The following ITSN1 variants were observed in gnomAD, a reference collection of about 807,000 sequenced individuals.
ITSN1 encodes intersectin-1.
A neutral mutation model predicts 239.8 loss-of-function variants in ITSN1; 58 were observed. That is an observed-to-expected ratio of 0.24 (90% CI 0.20 to 0.30). The LOEUF is 0.30. Ranked by LOEUF, ITSN1 falls within the 10% of genes least tolerant of loss-of-function variation. The pLI, the probability that ITSN1 is intolerant of heterozygous loss-of-function variation, is 1.00. For synonymous variants in ITSN1, 780 were observed against 770.8 expected (o/e 1.01, Z -0.20); for missense variants, 1,558 against 2,103.3 (o/e 0.74, Z 5.07).
At chr21:33,650,998 G>A (rs1478548718) in intron 1 of ITSN1, among the ~76,000 whole-genome samples, 1 of 151,724 alleles carries the variant, frequency 6.6e-6, no homozygotes, top group African/African-American at 2.4e-5. Context: ...GGGTTACCAG[G>A]ATGTTAGCTC....
At chr21:33,847,750 C>T (rs1206784226) in intron 29 of ITSN1, among the ~76,000 whole-genome samples, 1 of 152,184 alleles carries the variant, frequency 6.6e-6, no homozygotes, top group Non-Finnish European at 1.5e-5. Flanking sequence ...GGGCTGGATT[C>T]AGCTCAGCAG....
intron 22 of ITSN1, among the ~76,000 whole-genome samples, chr21:33,816,948 A>G (rs190859358): frequency 1.3e-3 from 196 of 152,256 alleles, no homozygotes; most frequent in African/African-American, 4.4e-3. Context: ...GAAGACCAGG[A>G]ATTAGAGGTT....
At chr21:33,817,616 G>A (rs1228551376) in intron 22 of ITSN1, 4 of 1,268,186 alleles carry the variant, frequency 3.2e-6, no homozygotes, top group Admixed American at 2.6e-5. Flanking sequence ...TCTTTATAGT[G>A]CTTTGTGGTT....
chr21:33,837,150 T>C, intron 29 of ITSN1: 2 of 1,380,164 alleles, frequency 1.4e-6, no homozygotes, highest in Non-Finnish European at 1.9e-6. Flanking sequence ...TGCAGAGCAG[T>C]TTACCTCATT....
chr21:33,735,497 C>A, intron 5 of ITSN1: 1 of 339,740 alleles, frequency 2.9e-6, no homozygotes, highest in Admixed American at 4.8e-5. Flanking sequence ...TTTTTTTTTT[C>A]TCTTCCATTA....
At chr21:33,799,760 T>G (rs1337769918) in intron 18 of ITSN1, 48 bp from the exon 19 acceptor site, 1 of 1,602,914 alleles carries the variant, frequency 6.2e-7, no homozygotes, top group Non-Finnish European at 8.5e-7. Context: ...ACATTTGTGT[T>G]CTCTGTAATT....
intron 5 of ITSN1, among the ~76,000 whole-genome samples, chr21:33,748,535 A>G (rs774877205): frequency 6.6e-6 from 1 of 151,960 alleles, no homozygotes; most frequent in Non-Finnish European, 1.5e-5. Flanking sequence ...TGAAAAGAAA[A>G]TTTACTTTTA....
intron 31 of ITSN1, among the ~76,000 whole-genome samples, chr21:33,859,080 C>G (rs957482150): frequency 1.0e-4 from 15 of 149,298 alleles, no homozygotes; most frequent in Non-Finnish European, 1.0e-4. Context: ...GCGACGCTGG[C>G]TCCTGATGGT....
intron 1 of ITSN1, among the ~76,000 whole-genome samples, chr21:33,688,353 C>G (rs1250648922): frequency 1.3e-5 from 2 of 152,172 alleles, no homozygotes; most frequent in African/African-American, 4.8e-5. Flanking sequence ...TAGGACTACA[C>G]TGTAGCAGGA....
intron 1 of ITSN1, among the ~76,000 whole-genome samples, chr21:33,674,562 A>G (rs1289033601): frequency 6.6e-6 from 1 of 152,164 alleles, no homozygotes; most frequent in Admixed American, 6.5e-5. Context: ...GTGTTTGGGA[A>G]CAGGATCCCT....
chr21:33,853,858 G>A (rs2148469252), intron 29 of ITSN1, among the ~76,000 whole-genome samples: 1 of 152,238 alleles, frequency 6.6e-6, no homozygotes, highest in East Asian at 1.9e-4. Flanking sequence ...GGGGAGTGGG[G>A]ACAGTACTGA....
At chr21:33,710,877 C>A (rs774909121) in intron 1 of ITSN1, among the ~76,000 whole-genome samples, 7 of 150,878 alleles carry the variant, frequency 4.6e-5, no homozygotes, top group Non-Finnish European at 7.4e-5. Flanking sequence ...GCGATCTCGG[C>A]TCACTGCAAC....
At chr21:33,831,260 G>A (rs1201574679) in intron 27 of ITSN1, among the ~76,000 whole-genome samples, 2 of 152,224 alleles carry the variant, frequency 1.3e-5, no homozygotes, top group African/African-American at 4.8e-5. Flanking sequence ...GGGGCCTATG[G>A]AAGGACTGAA....
intron 1 of ITSN1, among the ~76,000 whole-genome samples, chr21:33,676,043 T>G (rs985097675): frequency 3.8e-4 from 58 of 152,182 alleles, no homozygotes; most frequent in Admixed American, 7.2e-4. Flanking sequence ...TTTGTTTTTT[T>G]TTTTGTTTGA....
intron 4 of ITSN1, among the ~76,000 whole-genome samples, chr21:33,734,740 C>A (rs952453661): frequency 6.6e-6 from 1 of 152,132 alleles, no homozygotes; most frequent in Non-Finnish European, 1.5e-5. Context: ...TCACTATTAG[C>A]TAATTTTAGA....
intron 20 of ITSN1, among the ~76,000 whole-genome samples, chr21:33,810,465 T>G (rs2072821093): frequency 6.6e-6 from 1 of 152,176 alleles, no homozygotes; most frequent in South Asian, 2.1e-4. Context: ...TTGCTTCTCG[T>G]GGAAACCATT....
intron 29 of ITSN1, among the ~76,000 whole-genome samples, chr21:33,853,137 C>T (rs754764053): frequency 5.9e-5 from 9 of 152,174 alleles, no homozygotes; most frequent in Non-Finnish European, 1.0e-4. Flanking sequence ...ATCATTGGCA[C>T]ATAATGTAAA....
rs562638765 is a variant in ITSN1, at chr21:33,843,021, C to T, written c.3661+6389C>T. ...GCCCCACCCAGAAAGTGAGGAAAGGCCTGGGCTGCGGTGGAGCGCAGGATG... is the reference window on the plus strand; with the variant it reads ...GCCCCACCCAGAAAGTGAGGAAAGGTCTGGGCTGCGGTGGAGCGCAGGATG... On this transcript the variant is annotated intron_variant, in intron 29 of 39. Coordinates refer to ENST00000381318, the MANE Select transcript of ITSN1 (RefSeq NM_003024.3). Among the ~76,000 whole-genome samples, 62 of 152,260 alleles carry T rather than the reference C, an allele frequency of 4.1e-4. No homozygotes were observed. In the East Asian group the frequency reaches 8.3e-3, roughly 20 times the overall value.
chr21:33,762,689 G>A (rs1420115900), intron 9 of ITSN1, among the ~76,000 whole-genome samples: 1 of 151,466 alleles, frequency 6.6e-6, no homozygotes, highest in Non-Finnish European at 1.5e-5. Flanking sequence ...TTACTTTTGA[G>A]ATGGAGTCTC....
Sources: gnomAD v4.1 joint callset for allele counts (sites outside exome capture counted in the v4.1 genomes callset) on GRCh38, gnomAD v4.1.1 for gene constraint, MANE v1.5 for transcripts, NCBI Gene and HGNC (gene_info 2026-07-23, HGNC 2026-07-21) for gene names.